Variants in CSTF3 observed in about 807,000 individuals in gnomAD.
The protein encoded by CSTF3 is CF-1 77 kDa subunit.
In CSTF3, 29 loss-of-function variants were observed where a neutral mutation model predicts 105.8. That is an observed-to-expected ratio of 0.27 (90% confidence interval 0.20 to 0.37). The LOEUF is 0.37. Among genes scored for constraint, CSTF3 ranks in the 10% least tolerant of loss-of-function variants. The pLI is 1.00. For missense variants in CSTF3, 357 were observed against 879.3 expected (o/e 0.41, Z 7.51); for synonymous variants, 252 against 281.9 (o/e 0.89, Z 1.06).
intron 3 of CSTF3, among the ~76,000 whole-genome samples, chr11:33,115,221 C>T (rs1245812108): frequency 6.6e-6 from 1 of 152,168 alleles, no homozygotes; most frequent in Non-Finnish European, 1.5e-5. Context: ...CTGTCTGATT[C>T]TACTTGTATT....
At chr11:33,104,605 C>G (rs1855310412) in intron 8 of CSTF3, among the ~76,000 whole-genome samples, 1 of 152,142 alleles carries the variant, frequency 6.6e-6, no homozygotes, top group Non-Finnish European at 1.5e-5. Context: ...AACCCCATCT[C>G]TACAAAAAAT....
intron 7 of CSTF3, 69 bp downstream of exon 7, chr11:33,105,814 C>A: frequency 6.6e-7 from 1 of 1,519,082 alleles, no homozygotes; most frequent in South Asian, 1.2e-5. Context: ...GGAGATTTCT[C>A]AAAGAACTAA....
At position 33,087,213 on chromosome 11, in the gene CSTF3, G is replaced by C. The variant is rs1012232741; in HGVS notation, c.1642-72C>G. 1.3e-5 allele frequency: 20 copies of C among 1,506,604 alleles called. No homozygotes were observed. The African/African-American group carries it at 2.5e-4, about 19-fold the overall frequency. The allele number at this position is 1,506,604 out of a possible 1,614,324, so 93.3% of individuals were successfully genotyped here. On this transcript the variant is annotated intron_variant, in intron 17 of 20. Coordinates refer to ENST00000323959, the MANE Select transcript of CSTF3 (RefSeq NM_001326.3). ...TAGAGAATAATCATGCAATAACCTT[G>C]AGGATACAGTGTGAATATCTGGGTC...
chr11:33,146,385 A>G (rs1196528399), intron 1 of CSTF3, among the ~76,000 whole-genome samples: 1 of 152,140 alleles, frequency 6.6e-6, no homozygotes, highest in Non-Finnish European at 1.5e-5. Context: ...AAGACTGAAA[A>G]TAAATTAAAT....
chr11:33,084,978 T>TACA lies in CSTF3; in HGVS notation c.*106_*108dup. The TACA allele has an allele frequency of 2.5e-6, 3 of 1,203,540 alleles. No homozygotes were observed. The highest frequency in any genetic ancestry group is 1.2e-6 in the Non-Finnish European group (1 of 828,770). The allele number at this position is 1,203,540 out of a possible 1,614,324, so 74.6% of individuals were successfully genotyped here. ...CATGTGATAGAGGCACCAATGACAA[T>TACA]ACAACTTTGTTTCCAAGAACCTTGT... On this transcript the variant is annotated 3_prime_UTR_variant, in exon 21 of 21. Transcript: ENST00000323959.
intron 1 of CSTF3, among the ~76,000 whole-genome samples, 165 bp from the exon 2 acceptor site, chr11:33,142,151 G>A (rs769690185): frequency 1.3e-5 from 2 of 151,816 alleles, no homozygotes; most frequent in African/African-American, 2.4e-5. Context: ...GTGTACAATC[G>A]TCCTTCCTTA....
chr11:33,139,169 T>C (rs1202575689), intron 3 of CSTF3, among the ~76,000 whole-genome samples: 4 of 151,900 alleles, frequency 2.6e-5, no homozygotes, highest in Admixed American at 6.6e-5. Flanking sequence ...CTTTGACATT[T>C]TGTACTTAAA....
chr11:33,140,007 C>T (rs1373479881), intron 3 of CSTF3, among the ~76,000 whole-genome samples: 6 of 151,996 alleles, frequency 3.9e-5, no homozygotes, highest in Admixed American at 6.6e-5. Context: ...GTTTAACTTA[C>T]GCTATAATAA....
rs1049584984 is a variant in CSTF3 at position 33,141,648 on chromosome 11, A to C, written c.225+19T>G. The C allele has an allele frequency of 1.9e-6, 3 of 1,601,462 alleles. No homozygotes were observed. Among genetic ancestry groups the C allele is most frequent in the Middle Eastern group, 1.7e-4 (1 of 5,990 alleles). On this transcript the variant is annotated intron_variant, in intron 3 of 20. Transcript: ENST00000323959. ...ATGCTGCAATACTGATATAAGAAAA[A>C]ATAAAATAAAATAGTAACCTCTGCT...
At chr11:33,113,661 A>G (rs554707924) in intron 3 of CSTF3, among the ~76,000 whole-genome samples, 1 of 152,310 alleles carries the variant, frequency 6.6e-6, no homozygotes, top group Admixed American at 6.5e-5. Flanking sequence ...AAAAATAATA[A>G]ATTTTTTAAA....
At chr11:33,134,472 A>T (rs1855632499) in intron 3 of CSTF3, 1 of 152,196 alleles carries the variant, frequency 6.6e-6, no homozygotes, top group African/African-American at 2.4e-5. Context: ...TGAGGGAACT[A>T]AAAGAAATGT....
In CSTF3 at chr11:33,109,495, G is replaced by A. The variant is rs116726008; in HGVS notation, c.226-1077C>T. Among the ~76,000 whole-genome samples the A allele has an allele frequency of 6.1e-3, 921 of 152,212 alleles. 9 individuals carry two copies. The highest frequency in any genetic ancestry group is 0.021 in the African/African-American group (870 of 41,546). ...AGCACACACTTAAACACAGCTCTTT[G>A]TACTTTGAAGCAGTTCAATCAAGGC... On this transcript the variant is annotated intron_variant, in intron 3 of 20. Transcript: ENST00000323959.
intron 5 of CSTF3, 100 bp from the exon 6 acceptor site, chr11:33,106,164 C>CT (rs1330363507): frequency 1.2e-6 from 1 of 830,510 alleles, no homozygotes; most frequent in African/African-American, 1.7e-5. Context: ...AATCCCACTG[C>CT]TTTGGGAGGC....
chr11:33,154,487 CTTTCTTTTTTT>C (rs1181847539), intron 1 of CSTF3, among the ~76,000 whole-genome samples: 62 of 30,664 alleles, frequency 2.0e-3, no homozygotes, highest in Admixed American at 0.016. Context: ...CTCCGTAAGA[CTTTCTTTTTTT>C]TTTTTTTTTT....
chr11:33,113,586 C>T (rs1195270970), intron 3 of CSTF3, among the ~76,000 whole-genome samples: 2 of 151,968 alleles, frequency 1.3e-5, no homozygotes, highest in African/African-American at 2.4e-5. Context: ...ATTTGTCATA[C>T]AATTACATTA....
At chr11:33,142,653 G>A (rs1288838128) in intron 1 of CSTF3, among the ~76,000 whole-genome samples, 1 of 151,796 alleles carries the variant, frequency 6.6e-6, no homozygotes, top group African/African-American at 2.4e-5. Flanking sequence ...GCTTTTATGT[G>A]GGTTTTATCA....
intron 12 of CSTF3, 35 bp from the exon 13 acceptor site, chr11:33,098,799 T>C (rs755721698): frequency 2.7e-5 from 38 of 1,398,502 alleles, no homozygotes; most frequent in Non-Finnish European, 3.5e-5. Context: ...TATCAACATA[T>C]GGTCATAAAT....
chr11:33,097,675 A>C (rs536021714), intron 13 of CSTF3, among the ~76,000 whole-genome samples: 2 of 152,120 alleles, frequency 1.3e-5, no homozygotes, highest in Admixed American at 6.6e-5. Context: ...CCTGCAATAC[A>C]TGTTTAACTT....
intron 1 of CSTF3, among the ~76,000 whole-genome samples, chr11:33,143,316 A>T (rs1855736808): frequency 4.6e-5 from 7 of 152,188 alleles, no homozygotes; most frequent in Admixed American, 3.9e-4. Flanking sequence ...TACTTTTATT[A>T]TAGAAATTTA....
Sources: gnomAD v4.1 joint callset for allele counts (sites outside exome capture counted in the v4.1 genomes callset) on GRCh38, gnomAD v4.1.1 for gene constraint, MANE v1.5 for transcripts, NCBI Gene and HGNC (gene_info 2026-07-23, HGNC 2026-07-21) for gene names.